Variants in EPB41L2 observed in about 807,000 individuals in gnomAD.
EPB41L2 encodes the protein band 4.1-like protein 2.
Under a neutral mutation model 113.0 loss-of-function variants are expected in EPB41L2, and 43 were observed. The observed-to-expected ratio is 0.38, with a 90% CI of 0.30 to 0.49. The LOEUF is 0.49. Among genes scored for constraint, EPB41L2 ranks in the 20% least tolerant of loss-of-function variants. The pLI is 0.95. For synonymous variants in EPB41L2, 442 were observed against 436.7 expected (o/e 1.01, Z -0.15); for missense variants, 1,147 against 1,223.4 (o/e 0.94, Z 0.93).
At chr6:130,951,430 T>G (rs1223586164) in intron 3 of EPB41L2, among the ~76,000 whole-genome samples, 1 of 148,514 alleles carries the variant, frequency 6.7e-6, no homozygotes, top group African/African-American at 2.5e-5. Flanking sequence ...AGTCAAGTGA[T>G]TCTCCTGCCT....
At chr6:130,852,665 GT>G (rs1278257878) in intron 19 of EPB41L2, among the ~76,000 whole-genome samples, 2 of 152,252 alleles carry the variant, frequency 1.3e-5, no homozygotes, top group South Asian at 2.1e-4. Flanking sequence ...CACAAAGAAG[GT>G]AAGTTACATC....
intron 1 of EPB41L2, among the ~76,000 whole-genome samples, chr6:131,060,736 T>C (rs1798492132): frequency 6.6e-6 from 1 of 152,244 alleles, no homozygotes; most frequent in African/African-American, 2.4e-5. Flanking sequence ...GCCCTAAAGC[T>C]ATCTCCTGAA....
chr6:130,985,535 G>T (rs1780355698), intron 1 of EPB41L2, among the ~76,000 whole-genome samples: 1 of 152,318 alleles, frequency 6.6e-6, no homozygotes. Flanking sequence ...GTCTCCTGCA[G>T]CAGGTAGCAT....
At chr6:130,959,387 G>A (rs568886071) in intron 1 of EPB41L2, among the ~76,000 whole-genome samples, 1 of 152,118 alleles carries the variant, frequency 6.6e-6, no homozygotes, top group South Asian at 2.1e-4. Context: ...AGAGAAAAAG[G>A]GTAGCTTAAA....
chr6:130,898,334 A>C (rs906144816), intron 8 of EPB41L2, among the ~76,000 whole-genome samples: 2 of 152,186 alleles, frequency 1.3e-5, no homozygotes, highest in Non-Finnish European at 1.5e-5. Flanking sequence ...TCAGAGGCCT[A>C]GGGAGGAAAG....
At chr6:130,858,104 G>A (rs1780864445) in intron 19 of EPB41L2, 27 bp downstream of exon 19, 5 of 1,554,626 alleles carry the variant, frequency 3.2e-6, no homozygotes, top group Non-Finnish European at 4.4e-6. Flanking sequence ...TCACTAGAAA[G>A]GCCACAGACA....
chr6:131,043,034 C>G (rs1283169286), intron 1 of EPB41L2, among the ~76,000 whole-genome samples: 1 of 152,160 alleles, frequency 6.6e-6, no homozygotes, highest in Non-Finnish European at 1.5e-5. Context: ...CAAGGTGGCT[C>G]AGGCCTGTAA....
chr6:130,872,678 C>CA, intron 14 of EPB41L2: 3 of 539,150 alleles, frequency 5.6e-6, no homozygotes, highest in Non-Finnish European at 8.2e-6. Context: ...AGAATTCTGA[C>CA]AGATTCTGGA....
rs72983784 is a variant in EPB41L2, at chr6:130,956,280, G to A, written c.206C>T (p.Ser69Leu). 63 of 1,613,908 alleles carry A rather than the reference G, an allele frequency of 3.9e-5. No homozygotes were observed. The highest frequency in any genetic ancestry group is 1.4e-4 in the South Asian group (13 of 91,066). ...GAACCGAGAAATACCCCTGCTCTCC[G>A]ATGTTTCCTTCTCTCTCTTCTGGCG... The part of the protein sequence containing the change: ...LRRQKREKET[S>L]ESRGISRFIP... The change falls in exon 2 of 20, where the codon TCG becomes TTG. Residue 69 changes from serine to leucine, a missense_variant. Coordinates refer to ENST00000337057, the MANE Select transcript of EPB41L2 (RefSeq NM_001431.4).
chr6:130,934,833 A>G (rs1474096374), intron 3 of EPB41L2, among the ~76,000 whole-genome samples: 5 of 147,952 alleles, frequency 3.4e-5, no homozygotes, highest in Non-Finnish European at 7.5e-5. Flanking sequence ...AATTTTTTTC[A>G]AACTTAATTT....
At position 131,027,218 on chromosome 6, in the gene EPB41L2, T is replaced by C. The variant is rs570628669; in HGVS notation, c.-15+35937A>G. Among the ~76,000 whole-genome samples the C allele has an allele frequency of 1.2e-4, 19 of 152,316 alleles. 1 individual carries two copies. In the South Asian group the frequency reaches 3.3e-3, roughly 27 times the overall value. The stretch of plus-strand genomic sequence containing the variant: ...TGTATCAGGGCTGGGTTTGGAGTTA[T>C]TGGTTTTTTTGTTTGTTTTTTTGTC... On this transcript the variant is annotated intron_variant, in intron 1 of 19. Transcript: ENST00000337057.
intron 1 of EPB41L2, among the ~76,000 whole-genome samples, chr6:130,966,905 G>A (rs999397901): frequency 3.9e-5 from 6 of 152,086 alleles, no homozygotes; most frequent in Admixed American, 6.5e-5. Flanking sequence ...GCGTATGAAG[G>A]TTAAGACTGT....
intron 3 of EPB41L2, among the ~76,000 whole-genome samples, chr6:130,953,421 G>A (rs1392860422): frequency 6.6e-6 from 1 of 152,112 alleles, no homozygotes; most frequent in East Asian, 1.9e-4. Context: ...GTGGCATTAA[G>A]AGGTGGTGTC....
At chr6:130,892,588 T>C (rs1300162082) in intron 10 of EPB41L2, among the ~76,000 whole-genome samples, 1 of 151,976 alleles carries the variant, frequency 6.6e-6, no homozygotes, top group East Asian at 1.9e-4. Context: ...TCAGTGTAAC[T>C]TGAGGGATTC....
At chr6:131,005,476 TC>T (rs917071522) in intron 1 of EPB41L2, among the ~76,000 whole-genome samples, 16 of 152,136 alleles carry the variant, frequency 1.1e-4, no homozygotes, top group African/African-American at 3.6e-4. Context: ...GCCATGCTTT[TC>T]CCCACCACTC....
At chr6:130,872,348 AG>A (rs1279001934) in intron 14 of EPB41L2, 1 of 1,271,764 alleles carries the variant, frequency 7.9e-7, no homozygotes, top group South Asian at 1.3e-5. Context: ...TTTTAGTAAC[AG>A]GGGAAACAAA....
At position 130,869,658 on chromosome 6, in the gene EPB41L2, T is replaced by C. The variant is rs760186793; in HGVS notation, c.2512A>G (p.Met838Val). 7.4e-6 allele frequency: 12 copies of C among 1,614,080 alleles called. No individual in the cohort carries two copies. The East Asian group carries it at 2.0e-4, about 27-fold the overall frequency. The change falls in exon 15 of 20, where the codon ATG (methionine) becomes GTG (valine). Residue 838 changes from methionine to valine, a missense_variant. By Grantham distance (21) the Met-to-Val change is conservative. Coordinates refer to ENST00000337057, the MANE Select transcript of EPB41L2 (RefSeq NM_001431.4). Reference sequence around the variant, plus strand: ...GGCTCTTCCTCTGCTTCTTCTCCCATGTCTTGCTTAAGAGCGCCTTCGTGT... The same window carrying C: ...GGCTCTTCCTCTGCTTCTTCTCCCACGTCTTGCTTAAGAGCGCCTTCGTGT... ...SVHEGALKQD[M>V]GEEAEEEPQK...
intron 3 of EPB41L2, among the ~76,000 whole-genome samples, chr6:130,953,504 C>T (rs1051891430): frequency 6.6e-6 from 1 of 151,898 alleles, no homozygotes; most frequent in Admixed American, 6.6e-5. Flanking sequence ...ACATCACACA[C>T]TGGGGCCTAT....
At chr6:131,019,486 T>G (rs1189409026) in intron 1 of EPB41L2, among the ~76,000 whole-genome samples, 2 of 152,184 alleles carry the variant, frequency 1.3e-5, no homozygotes, top group Non-Finnish European at 2.9e-5. Flanking sequence ...TATCTTGAAC[T>G]TAAGAAATCT....
Sources: allele counts gnomAD v4.1 joint callset (sites outside exome capture counted in the v4.1 genomes callset), GRCh38; gene constraint gnomAD v4.1.1; transcripts MANE v1.5; gene names NCBI Gene and HGNC (gene_info 2026-07-23, HGNC 2026-07-21).